Variants in ARL11 observed in about 807,000 individuals in gnomAD.
ARL11 encodes the protein ARF like GTPase 11.
For synonymous variants in ARL11, 91 were observed against 111.2 expected (o/e 0.82, Z 1.15); for missense variants, 239 against 250.6 (o/e 0.95, Z 0.31).
Position 49,632,955 on chromosome 13 carries a change from CA to C in ARL11, c.*1919del, listed in dbSNP as rs1964901557. On this transcript the variant is annotated 3_prime_UTR_variant, in exon 2 of 2. Transcript: ENST00000282026. ...ATGTGAGGAGAGAGACTCAGTTCAGCAACTGTTTATTCTGTTTATTGAGCAC... is the reference window on the plus strand; with the variant it reads ...ATGTGAGGAGAGAGACTCAGTTCAGCACTGTTTATTCTGTTTATTGAGCAC... The C allele has an allele frequency of 6.0e-6, 1 of 166,788 alleles. No individual in the cohort carries two copies. Among genetic ancestry groups the C allele is most frequent in the South Asian group, 2.1e-4 (1 of 4,834 alleles). 10.3% of individuals were successfully genotyped at this position (166,788 alleles called of 1,614,324 possible).
chr13:49,628,829 C>T (rs974197309), intron 1 of ARL11, among the ~76,000 whole-genome samples: 2 of 152,156 alleles, frequency 1.3e-5, no homozygotes, highest in East Asian at 1.9e-4. Flanking sequence ...CAGTGGCTCA[C>T]GCCTGTAATC....
intron 1 of ARL11, chr13:49,630,195 A>G (rs7986690): frequency 0.82 from 323,437 of 394,546 alleles, 134,377 homozygotes; most frequent in East Asian, 0.91. Context: ...TTTTGGAAAA[A>G]CTCTTCCGTT....
At position 49,632,786 on chromosome 13, in the gene ARL11, G is replaced by C. The variant is rs1047733175; in HGVS notation, c.*1748G>C. On this transcript the variant is annotated 3_prime_UTR_variant, in exon 2 of 2. Transcript: ENST00000282026. The stretch of plus-strand genomic sequence containing the variant: ...CTGCCAGGCCCCTCTTCTAACACCA[G>C]GTTAGGCATGCTTGGTTATTTCCAG... 1 of 167,116 alleles carries C rather than the reference G, an allele frequency of 6.0e-6. No individual in the cohort carries two copies. The highest frequency in any genetic ancestry group is 2.4e-5 in the African/African-American group (1 of 41,456). 10.4% of individuals were successfully genotyped at this position (167,116 alleles called of 1,614,324 possible).
In ARL11 at chr13:49,630,921, T is replaced by C. The variant is rs771389167; in HGVS notation, c.474T>C (p.Thr158=). Residue 158 remains threonine, a synonymous_variant, in exon 2 of 2, where the codon ACT becomes ACC. Transcript: ENST00000282026. ...CWELRGCSAL[T]GEGLPEALQS... is the part of the protein sequence containing the mutation. ...AGCTCCGGGGCTGCAGTGCCCTCAC[T>C]GGGGAGGGGCTGCCCGAGGCCCTGC... 12 of 1,599,974 alleles carry C rather than the reference T, an allele frequency of 7.5e-6. No individual in the cohort carries two copies. The highest frequency in any genetic ancestry group is 1.0e-5 in the Non-Finnish European group (12 of 1,171,096).
chr13:49,628,518 ATC>A lies in ARL11; in HGVS notation c.-113_-112del, dbSNP rs1247543263. 2 of 152,290 alleles carry A rather than the reference ATC, an allele frequency of 1.3e-5. No homozygotes were observed. Among genetic ancestry groups the A allele is most frequent in the Non-Finnish European group, 2.9e-5 (2 of 68,072 alleles). The allele number at this position is 152,290 out of a possible 1,614,324, so 9.4% of individuals were successfully genotyped here. On this transcript the variant is annotated 5_prime_UTR_variant, in exon 1 of 2. Coordinates refer to ENST00000282026, the MANE Select transcript of ARL11 (RefSeq NM_138450.6). Reference sequence around the variant, plus strand: ...GCAACGGCTGCTCTGCTTCCTTCCCATCTCGCTCTTGGGTCATGCCTGGCCAG... The same window carrying A: ...GCAACGGCTGCTCTGCTTCCTTCCCATCGCTCTTGGGTCATGCCTGGCCAG...
intron 1 of ARL11, among the ~76,000 whole-genome samples, chr13:49,628,843 G>A (rs937716839): frequency 1.3e-5 from 2 of 152,224 alleles, no homozygotes; most frequent in Non-Finnish European, 1.5e-5. Context: ...TGTAATCCCA[G>A]CACTTTGGGA....
rs778270148 is a variant in ARL11, at chr13:49,631,977, C to A, written c.*939C>A. The A allele has an allele frequency of 1.8e-5, 3 of 167,106 alleles. No homozygotes were observed. Among genetic ancestry groups the A allele is most frequent in the Non-Finnish European group, 4.4e-5 (3 of 68,130 alleles). 10.4% of individuals were successfully genotyped at this position (167,106 alleles called of 1,614,324 possible). ...AAGGGCAAGCTAGGCAGGGCCCATACAACAGCAGGGGTCTGCAGGTTAGAC... is the reference window on the plus strand; with the variant it reads ...AAGGGCAAGCTAGGCAGGGCCCATAAAACAGCAGGGGTCTGCAGGTTAGAC... On this transcript the variant is annotated 3_prime_UTR_variant, in exon 2 of 2. Coordinates refer to ENST00000282026, the MANE Select transcript of ARL11 (RefSeq NM_138450.6).
chr13:49,630,387 C>G, intron 1 of ARL11, 43 bp from the exon 2 acceptor site: 1 of 1,362,406 alleles, frequency 7.3e-7, no homozygotes, highest in Non-Finnish European at 1.0e-6. Flanking sequence ...TGTCTTCCTT[C>G]AGAAGACAGT....
In ARL11 at chr13:49,633,530, A is replaced by G. The variant is rs1488034517; in HGVS notation, c.*2492A>G. On this transcript the variant is annotated 3_prime_UTR_variant, in exon 2 of 2. Transcript: ENST00000282026. Reference sequence around the variant, plus strand: ...TAGTGTGGAGGTGAAATAAAGAGAAAAGGGAACCTTGGAGCTGGGAAGGCA... The same window carrying G: ...TAGTGTGGAGGTGAAATAAAGAGAAGAGGGAACCTTGGAGCTGGGAAGGCA... 6.0e-6 allele frequency: 1 copy of G among 167,108 alleles called. No individual in the cohort carries two copies. The highest frequency in any genetic ancestry group is 1.5e-5 in the Non-Finnish European group (1 of 68,140). The allele number at this position is 167,108 out of a possible 1,614,324, so 10.4% of individuals were successfully genotyped here.
rs139827696 is a variant in ARL11 at position 49,632,283 on chromosome 13, C to T, written c.*1245C>T. 9 of 166,998 alleles carry T rather than the reference C, an allele frequency of 5.4e-5. No individual in the cohort carries two copies. The South Asian group carries it at 1.2e-3, about 23-fold the overall frequency. The allele number at this position is 166,998 out of a possible 1,614,324, so 10.3% of individuals were successfully genotyped here. ...GTTTGTGGCAAAAACACTGAGCTTT[C>T]GAATATGAATCATGTGCTTTAGGTG... On this transcript the variant is annotated 3_prime_UTR_variant, in exon 2 of 2. Coordinates refer to ENST00000282026, the MANE Select transcript of ARL11 (RefSeq NM_138450.6).
chr13:49,630,906 C>A lies in ARL11; in HGVS notation c.459C>A (p.Gly153=). The part of the protein sequence containing the change: ...RFQDHCWELR[G]CSALTGEGLP... ...AGGACCACTGCTGGGAGCTCCGGGG[C>A]TGCAGTGCCCTCACTGGGGAGGGGC... The change falls in exon 2 of 2, where the codon GGC becomes GGA. Residue 153 remains glycine (G), a synonymous_variant. Coordinates refer to ENST00000282026, the MANE Select transcript of ARL11 (RefSeq NM_138450.6). The A allele has an allele frequency of 6.3e-7, 1 of 1,593,426 alleles. No individual in the cohort carries two copies. The highest frequency in any genetic ancestry group is 8.6e-7 in the Non-Finnish European group (1 of 1,166,722).
At chr13:49,628,867 G>A (rs1964852022) in intron 1 of ARL11, among the ~76,000 whole-genome samples, 1 of 152,212 alleles carries the variant, frequency 6.6e-6, no homozygotes, top group African/African-American at 2.4e-5. Flanking sequence ...CGGGCAGGTG[G>A]ATAATTTGAG....
rs1566301716 is a variant in ARL11 at position 49,630,599 on chromosome 13, T to G, written c.152T>G (p.Leu51Arg). The G allele has an allele frequency of 1.2e-6, 2 of 1,614,102 alleles. No homozygotes were observed. Among genetic ancestry groups the G allele is most frequent in the Non-Finnish European group, 1.7e-6 (2 of 1,180,014 alleles). Residue 51 changes from leucine (L) to arginine (R), a missense_variant, in exon 2 of 2, where the codon CTG becomes CGG. Physicochemically the swap from Leu to Arg is moderately radical, Grantham distance 102. Coordinates refer to ENST00000282026, the MANE Select transcript of ARL11 (RefSeq NM_138450.6). ...LPTVGFNVEP[L>R]KAPGHVSLTL... is the part of the protein sequence containing the mutation. ...ACTGTTGGTTTCAACGTGGAGCCTC[T>G]GAAAGCTCCTGGGCACGTGTCACTG...
At position 49,631,153 on chromosome 13, in the gene ARL11, C is replaced by A; in HGVS notation, c.*115C>A. ...TGCTGGCTTGGCCCGGTGGCTCATG[C>A]CTGTAATCCCAGCACTGTGGGAGAC... On this transcript the variant is annotated 3_prime_UTR_variant, in exon 2 of 2. Coordinates refer to ENST00000282026, the MANE Select transcript of ARL11 (RefSeq NM_138450.6). 2 of 1,037,914 alleles carry A rather than the reference C, an allele frequency of 1.9e-6. No homozygotes were observed. The highest frequency in any genetic ancestry group is 1.4e-6 in the Non-Finnish European group (1 of 720,420). The allele number at this position is 1,037,914 out of a possible 1,614,324, so 64.3% of individuals were successfully genotyped here.
Position 49,633,047 on chromosome 13 carries a change from C to A in ARL11, c.*2009C>A, listed in dbSNP as rs1964902228. ...ACTGTCTCTAATTCTCACAACTCTG[C>A]AAAATATATATATTCCCATTTTATA... On this transcript the variant is annotated 3_prime_UTR_variant, in exon 2 of 2. Coordinates refer to ENST00000282026, the MANE Select transcript of ARL11 (RefSeq NM_138450.6). 6.0e-6 allele frequency: 1 copy of A among 166,840 alleles called. No individual in the cohort carries two copies. The highest frequency in any genetic ancestry group is 2.1e-4 in the South Asian group (1 of 4,836). 10.3% of individuals were successfully genotyped at this position (166,840 alleles called of 1,614,324 possible). A position where few individuals can be genotyped will look rare whatever the true frequency, so the allele number is the denominator to read the frequency against.
In ARL11 at chr13:49,633,599, A is replaced by AAG. The variant is rs1964906267; in HGVS notation, c.*2567_*2568dup. 6.0e-6 allele frequency: 1 copy of AAG among 167,198 alleles called. No homozygotes were observed. Among genetic ancestry groups the AAG allele is most frequent in the South Asian group, 2.1e-4 (1 of 4,828 alleles). The allele number at this position is 167,198 out of a possible 1,614,324, so 10.4% of individuals were successfully genotyped here. On this transcript the variant is annotated 3_prime_UTR_variant, in exon 2 of 2. Transcript: ENST00000282026. ...CATCACACAGCAAAGGAGGGAGTGG[A>AAG]AGAGAGATGAGAAAATTGAGAGCTA...
Position 49,632,540 on chromosome 13 carries a change from A to G in ARL11, c.*1502A>G, listed in dbSNP as rs1964897819. ...TTTTCAAAGACATCTGTGACTCCCA[A>G]AAGTTAACAATCACTGATGTGGTTG... On this transcript the variant is annotated 3_prime_UTR_variant, in exon 2 of 2. Coordinates refer to ENST00000282026, the MANE Select transcript of ARL11 (RefSeq NM_138450.6). 1 of 167,106 alleles carries G rather than the reference A, an allele frequency of 6.0e-6. No individual in the cohort carries two copies. Among genetic ancestry groups the G allele is most frequent in the Admixed American group, 6.5e-5 (1 of 15,296 alleles). 10.4% of individuals were successfully genotyped at this position (167,106 alleles called of 1,614,324 possible).
Position 49,630,896 on chromosome 13 carries a change from A to T in ARL11, c.449A>T (p.Glu150Val). The T allele has an allele frequency of 6.3e-7, 1 of 1,589,882 alleles. No homozygotes were observed. The highest frequency in any genetic ancestry group is 8.6e-7 in the Non-Finnish European group (1 of 1,164,406). The change falls in exon 2 of 2, where the codon GAG becomes GTG. Residue 150 changes from glutamate to valine, a missense_variant. Transcript: ENST00000282026. ...GAGAGATTCCAGGACCACTGCTGGGAGCTCCGGGGCTGCAGTGCCCTCACT... is the reference window on the plus strand; with the variant it reads ...GAGAGATTCCAGGACCACTGCTGGGTGCTCCGGGGCTGCAGTGCCCTCACT... ...SLERFQDHCW[E>V]LRGCSALTGE...
chr13:49,632,169 CCTT>C lies in ARL11; in HGVS notation c.*1135_*1137del, dbSNP rs1402884382. On this transcript the variant is annotated 3_prime_UTR_variant, in exon 2 of 2. Transcript: ENST00000282026. ...TTTCTTTTTTTTCCTTCTCTTTTCTCCTTCTTGTAGCACATATCTTTCGTTAAA... is the reference window on the plus strand; with the variant it reads ...TTTCTTTTTTTTCCTTCTCTTTTCTCCTTGTAGCACATATCTTTCGTTAAA... 3 of 166,628 alleles carry C rather than the reference CCTT, an allele frequency of 1.8e-5. No homozygotes were observed. The highest frequency in any genetic ancestry group is 3.9e-4 in the East Asian group (2 of 5,192). 10.3% of individuals were successfully genotyped at this position (166,628 alleles called of 1,614,324 possible).
Sources: gnomAD v4.1 joint callset for allele counts (sites outside exome capture counted in the v4.1 genomes callset) on GRCh38, gnomAD v4.1.1 for gene constraint, MANE v1.5 for transcripts, NCBI Gene and HGNC (gene_info 2026-07-23, HGNC 2026-07-21) for gene names.